RYR2: variants seen among roughly 807,000 people sequenced by gnomAD.
The protein encoded by RYR2 is ryanodine receptor 2.
A neutral mutation model predicts 601.1 loss-of-function variants in RYR2; 227 were observed. The ratio of observed to expected loss-of-function variants is 0.38; its 90% confidence interval spans 0.34 to 0.42. RYR2 has a LOEUF of 0.42. Among genes scored for constraint, RYR2 ranks in the 10% least tolerant of loss-of-function variants. RYR2 has a pLI of 1.00. For missense variants in RYR2, 4,646 were observed against 6,156.5 expected, an observed-to-expected ratio of 0.75 and a Z score of 8.21; for synonymous variants, 2,223 against 2,175.1, an observed-to-expected ratio of 1.02 and a Z score of -0.61.
chr1:237,353,430 A>C (rs1266635892), intron 3 of RYR2, among the ~76,000 whole-genome samples: 1 of 150,072 alleles, frequency 6.7e-6, no homozygotes, highest in Non-Finnish European at 1.5e-5. Context: ...AATCGCTTGA[A>C]CCCAGGAGGC....
Position 237,208,936 on chromosome 1 carries a change from GTATATATATATATATATATATATATA to G in RYR2, c.49-61537_49-61512del, listed in dbSNP as rs56133827. ...CATCTGTACAACCAAATGTGTGTGTGTATATATATATATATATATATATATATATATATATATATATATATATATGT... is the reference window on the plus strand; with the variant it reads ...CATCTGTACAACCAAATGTGTGTGTGTATATATATATATATATATATATGT... On this transcript the variant is annotated intron_variant, in intron 1 of 104. Transcript: ENST00000366574. Among the ~76,000 whole-genome samples, 85 of 89,874 alleles carry G rather than the reference GTATATATATATATATATATATATATA, an allele frequency of 9.5e-4. 2 individuals carry two copies. In the East Asian group the frequency reaches 0.016, roughly 17 times the overall value. 59.0% of individuals were successfully genotyped at this position (89,874 alleles called of 152,430 possible).
intron 39 of RYR2, 80 bp from the exon 40 acceptor site, chr1:237,625,581 G>T (rs1333008328): frequency 1.3e-5 from 18 of 1,426,616 alleles, no homozygotes; most frequent in Non-Finnish European, 1.7e-5. Context: ...GTGCATGAAA[G>T]AAATTACAAG....
At chr1:237,562,132 A>T (rs1671520179) in intron 27 of RYR2, among the ~76,000 whole-genome samples, 1 of 152,132 alleles carries the variant, frequency 6.6e-6, no homozygotes, top group Non-Finnish European at 1.5e-5. Flanking sequence ...TAAAACATGA[A>T]CTCTGTATTT....
intron 86 of RYR2, among the ~76,000 whole-genome samples, chr1:237,773,080 C>T (rs992733771): frequency 3.7e-4 from 57 of 152,282 alleles, no homozygotes; most frequent in African/African-American, 1.2e-3. Flanking sequence ...TGGATATCAG[C>T]GAGTTCTCAC....
chr1:237,527,047 A>T (rs183477360), intron 24 of RYR2, among the ~76,000 whole-genome samples: 1 of 152,118 alleles, frequency 6.6e-6, no homozygotes, highest in Non-Finnish European at 1.5e-5. Context: ...AGCACCATTT[A>T]TTGAAGAGGT....
chr1:237,235,875 C>T (rs1174186507), intron 1 of RYR2, among the ~76,000 whole-genome samples: 1 of 152,124 alleles, frequency 6.6e-6, no homozygotes, highest in Admixed American at 6.6e-5. Context: ...CTGTGTCGTG[C>T]ATATGTATGT....
Position 237,770,859 on chromosome 1 carries a change from GCAACTACTC to G in RYR2, c.11530_11538del (p.Gln3844_Leu3846del). 6.4e-7 allele frequency: 1 copy of G among 1,551,824 alleles called. No homozygotes were observed. Among genetic ancestry groups the G allele is most frequent in the Non-Finnish European group, 8.7e-7 (1 of 1,146,168 alleles). ...TCACCTGTGACCTCTTCCGATTCCT[GCAACTACTC>G]TGTGAGGGACACAACTCAGGTTTGT... is the stretch of plus-strand genomic sequence containing the variant. On this transcript the variant is annotated inframe_deletion, in exon 85 of 105. Transcript: ENST00000366574.
intron 12 of RYR2, among the ~76,000 whole-genome samples, chr1:237,430,050 A>T (rs913707537): frequency 6.6e-6 from 1 of 150,998 alleles, no homozygotes; most frequent in African/African-American, 2.4e-5. Context: ...TTCCAGATCA[A>T]TATATATCAA....
At chr1:237,504,362 A>G (rs187854122) in intron 22 of RYR2, among the ~76,000 whole-genome samples, 116 of 152,302 alleles carry the variant, frequency 7.6e-4, no homozygotes, top group African/African-American at 2.5e-3. Flanking sequence ...TGGATCTCAC[A>G]AAGTACATTC....
intron 1 of RYR2, among the ~76,000 whole-genome samples, chr1:237,067,706 G>T (rs1663823939): frequency 6.6e-6 from 1 of 152,168 alleles, no homozygotes; most frequent in South Asian, 2.1e-4. Flanking sequence ...TATCAATTTG[G>T]GTTGAATTGG....
intron 2 of RYR2, among the ~76,000 whole-genome samples, chr1:237,278,337 T>C (rs1442497767): frequency 7.0e-6 from 1 of 142,372 alleles, no homozygotes; most frequent in African/African-American, 2.5e-5. Context: ...GCGATCTTCC[T>C]TCCTCAGCCT....
chr1:237,830,717 T>G, intron 103 of RYR2, 87 bp downstream of exon 103: 1 of 667,340 alleles, frequency 1.5e-6, no homozygotes. Context: ...AAGTTTTTGT[T>G]TATTGTTTAA....
intron 1 of RYR2, among the ~76,000 whole-genome samples, chr1:237,072,592 C>T (rs1664497337): frequency 6.6e-6 from 1 of 152,106 alleles, no homozygotes; most frequent in African/African-American, 2.4e-5. Context: ...TTGTTGCACA[C>T]ATAAAATGGA....
chr1:237,515,658 T>TCCTTC (rs1666360729), intron 24 of RYR2, among the ~76,000 whole-genome samples: 1 of 12,838 alleles, frequency 7.8e-5, no homozygotes, highest in South Asian at 2.5e-3. Flanking sequence ...TTCCCTCCCC[T>TCCTTC]TCCCCTCCCT....
intron 2 of RYR2, among the ~76,000 whole-genome samples, chr1:237,290,112 A>G (rs1212272891): frequency 6.6e-6 from 1 of 152,198 alleles, no homozygotes; most frequent in African/African-American, 2.4e-5. Flanking sequence ...TTTACTCACA[A>G]TAGCCTAAAA....
intron 1 of RYR2, among the ~76,000 whole-genome samples, chr1:237,262,248 T>TTTTTTTTTTTTG (rs1688606650): frequency 2.2e-5 from 2 of 90,980 alleles, no homozygotes; most frequent in African/African-American, 1.4e-4. Context: ...CTAAAGAGTT[T>TTTTTTTTTTTTG]TTTTTTTTTT....
chr1:237,561,609 A>G (rs1040783435), intron 27 of RYR2, among the ~76,000 whole-genome samples: 1 of 152,208 alleles, frequency 6.6e-6, no homozygotes, highest in African/African-American at 2.4e-5. Context: ...AGGATAAAAT[A>G]TAGGGTACAG....
intron 8 of RYR2, among the ~76,000 whole-genome samples, chr1:237,382,809 G>A (rs1412130450): frequency 1.3e-5 from 2 of 151,868 alleles, no homozygotes; most frequent in Admixed American, 6.6e-5. Flanking sequence ...ATTCATTTTT[G>A]ATTAATTTGC....
chr1:237,563,579 A>T (rs1012915864), intron 27 of RYR2, among the ~76,000 whole-genome samples: 2 of 152,060 alleles, frequency 1.3e-5, no homozygotes, highest in Admixed American at 6.6e-5. Context: ...GCATAGCATT[A>T]GGGCCAGGAA....
Sources: allele counts gnomAD v4.1 joint callset (sites outside exome capture counted in the v4.1 genomes callset), GRCh38; gene constraint gnomAD v4.1.1; transcripts MANE v1.5; gene names NCBI Gene and HGNC (gene_info 2026-07-23, HGNC 2026-07-21).